Variants in NXPH2 observed in about 807,000 individuals in gnomAD.
NXPH2 encodes the protein neurexophilin 2.
In NXPH2, 5 loss-of-function variants were observed where a neutral mutation model predicts 19.8. That is an observed-to-expected ratio of 0.25 (90% confidence interval 0.13 to 0.53). The LOEUF (loss-of-function observed/expected upper bound fraction) is 0.53. Among genes scored for constraint, NXPH2 ranks in the 20% least tolerant of loss-of-function variants. The pLI is 0.96. For missense variants in NXPH2, 289 were observed against 322.8 expected, an observed-to-expected ratio of 0.90 and a Z score of 0.80; for synonymous variants, 154 against 127.4, an observed-to-expected ratio of 1.21 and a Z score of -1.41.
intron 1 of NXPH2, among the ~76,000 whole-genome samples, chr2:138,715,859 T>G (rs1408900277): frequency 2.0e-5 from 3 of 152,120 alleles, no homozygotes; most frequent in Non-Finnish European, 2.9e-5. Context: ...AGAGAACAGG[T>G]CTTGAATTTT....
chr2:138,750,526 C>G (rs936714139), intron 1 of NXPH2, among the ~76,000 whole-genome samples: 1 of 151,964 alleles, frequency 6.6e-6, no homozygotes, highest in Admixed American at 6.6e-5. Context: ...AAATGTGAAC[C>G]AGCAGATTGA....
At chr2:138,717,173 G>T (rs1681207521) in intron 1 of NXPH2, among the ~76,000 whole-genome samples, 1 of 152,092 alleles carries the variant, frequency 6.6e-6, no homozygotes, top group Non-Finnish European at 1.5e-5. Flanking sequence ...GGAAAAATAT[G>T]CAGGATATGT....
intron 1 of NXPH2, among the ~76,000 whole-genome samples, chr2:138,755,453 T>G (rs1160698332): frequency 7.2e-5 from 11 of 152,308 alleles, no homozygotes; most frequent in South Asian, 6.2e-4. Flanking sequence ...ATTGCCTTTG[T>G]TCCTTTGTCA....
chr2:138,671,756 A>C (rs1680420627), intron 1 of NXPH2, 91 bp from the exon 2 acceptor site: 1 of 1,294,952 alleles, frequency 7.7e-7, no homozygotes, highest in African/African-American at 1.5e-5. Context: ...AAATTATTTC[A>C]ACATTGTTTA....
chr2:138,739,385 T>C (rs186125419), intron 1 of NXPH2, among the ~76,000 whole-genome samples: 2 of 152,126 alleles, frequency 1.3e-5, no homozygotes, highest in African/African-American at 4.8e-5. Flanking sequence ...GAGGGAGAGA[T>C]AGTTACTAGT....
rs147088673 is a variant in NXPH2, at chr2:138,716,926, T to C, written c.52-45261A>G. On this transcript the variant is annotated intron_variant, in intron 1 of 1. Coordinates refer to ENST00000272641, the MANE Select transcript of NXPH2 (RefSeq NM_007226.3). ...CCAAAATTAATAACACACTTAACTTTTGAGCCTGCAATTCCTCTCTCAAGA... is the reference window on the plus strand; with the variant it reads ...CCAAAATTAATAACACACTTAACTTCTGAGCCTGCAATTCCTCTCTCAAGA... 3.3e-5 allele frequency among the ~76,000 whole-genome samples: 5 copies of C among 152,338 alleles called. No homozygotes were observed. In the East Asian group the frequency reaches 9.6e-4, roughly 29 times the overall value.
intron 1 of NXPH2, among the ~76,000 whole-genome samples, chr2:138,721,001 G>A (rs1282541500): frequency 2.0e-5 from 3 of 152,198 alleles, no homozygotes; most frequent in African/African-American, 4.8e-5. Context: ...TGAAACTGAA[G>A]GACGCATGCA....
chr2:138,765,691 T>C (rs966032661), intron 1 of NXPH2, among the ~76,000 whole-genome samples: 2 of 152,196 alleles, frequency 1.3e-5, no homozygotes, highest in Non-Finnish European at 2.9e-5. Flanking sequence ...CTGTTTTTTA[T>C]CTCAAAAACA....
intron 1 of NXPH2, among the ~76,000 whole-genome samples, chr2:138,757,759 G>A (rs1257262236): frequency 6.6e-6 from 1 of 151,122 alleles, no homozygotes; most frequent in African/African-American, 2.4e-5. Flanking sequence ...TCTTATATAT[G>A]TGTGTGTGTG....
At chr2:138,725,789 ATTTTCCCC>A (rs1681346762) in intron 1 of NXPH2, among the ~76,000 whole-genome samples, 1 of 152,108 alleles carries the variant, frequency 6.6e-6, no homozygotes, top group East Asian at 1.9e-4. Flanking sequence ...CCCTGTGCTT[ATTTTCCCC>A]TGCATAAAAA....
rs1267132795 is a variant in NXPH2, at chr2:138,706,925, A to G, written c.52-35260T>C. Reference sequence around the variant, plus strand: ...CTTTAAAATAAACTAAAATAAAGAAAAAAAAGTTAAGGTGAATGCTTAGAG... The same window carrying G: ...CTTTAAAATAAACTAAAATAAAGAAGAAAAAGTTAAGGTGAATGCTTAGAG... On this transcript the variant is annotated intron_variant, in intron 1 of 1. Transcript: ENST00000272641. Among the ~76,000 whole-genome samples the G allele has an allele frequency of 2.0e-5, 3 of 150,840 alleles. No individual in the cohort carries two copies. In the East Asian group the frequency reaches 5.8e-4, roughly 29 times the overall value.
chr2:138,737,304 G>T (rs1482002643), intron 1 of NXPH2, among the ~76,000 whole-genome samples: 1 of 152,162 alleles, frequency 6.6e-6, no homozygotes, highest in Non-Finnish European at 1.5e-5. Flanking sequence ...ATGGCAAAAG[G>T]CAAGGAGGAG....
chr2:138,712,033 G>A (rs1681114923), intron 1 of NXPH2, among the ~76,000 whole-genome samples: 1 of 152,174 alleles, frequency 6.6e-6, no homozygotes, highest in South Asian at 2.1e-4. Context: ...ATTCACCAAG[G>A]CCAGTATCTG....
chr2:138,751,211 C>T (rs1681823902), intron 1 of NXPH2, among the ~76,000 whole-genome samples: 1 of 152,074 alleles, frequency 6.6e-6, no homozygotes, highest in Admixed American at 6.6e-5. Flanking sequence ...TTGGCAAAAA[C>T]ATTTGTGCAT....
At chr2:138,777,066 C>T (rs750152854) in intron 1 of NXPH2, among the ~76,000 whole-genome samples, 12 of 151,868 alleles carry the variant, frequency 7.9e-5, no homozygotes, top group Non-Finnish European at 1.3e-4. Flanking sequence ...GTTAGCTAAT[C>T]ATTCATTTAA....
intron 1 of NXPH2, among the ~76,000 whole-genome samples, chr2:138,676,822 T>C (rs1680491174): frequency 1.3e-5 from 2 of 152,216 alleles, no homozygotes; most frequent in South Asian, 4.1e-4. Flanking sequence ...CAGTGCCATG[T>C]GATAAATTAA....
Position 138,672,288 on chromosome 2 carries a change from G to A in NXPH2, c.52-623C>T, listed in dbSNP as rs182176951. The stretch of plus-strand genomic sequence containing the variant: ...AAATTTAGTTGCCTTTATAAAAACA[G>A]AAAGTAATGTAGAGAGGTATATTTT... On this transcript the variant is annotated intron_variant, in intron 1 of 1. Transcript: ENST00000272641. Among the ~76,000 whole-genome samples the A allele has an allele frequency of 5.7e-4, 87 of 152,200 alleles. No homozygotes were observed. The East Asian group carries it at 0.011, about 19-fold the overall frequency.
Position 138,669,889 on chromosome 2 carries a change from C to T in NXPH2, c.*1033G>A, listed in dbSNP as rs1484307580. On this transcript the variant is annotated 3_prime_UTR_variant, in exon 2 of 2. Coordinates refer to ENST00000272641, the MANE Select transcript of NXPH2 (RefSeq NM_007226.3). ...ATGTTTAAATATAACTCTCTATTTCCACATAGAGTTTGATCTCTTATTCAA... is the reference window on the plus strand; with the variant it reads ...ATGTTTAAATATAACTCTCTATTTCTACATAGAGTTTGATCTCTTATTCAA... Among the ~76,000 whole-genome samples the T allele has an allele frequency of 6.6e-6, 1 of 152,134 alleles. No individual in the cohort carries two copies. Among genetic ancestry groups the T allele is most frequent in the East Asian group, 1.9e-4 (1 of 5,196 alleles).
intron 1 of NXPH2, among the ~76,000 whole-genome samples, chr2:138,761,102 A>T (rs1331863698): frequency 1.3e-5 from 2 of 152,164 alleles, no homozygotes; most frequent in Admixed American, 6.5e-5. Context: ...CCTGAAGCTC[A>T]GCAAGCCATA....
Sources: gnomAD v4.1 joint callset for allele counts (sites outside exome capture counted in the v4.1 genomes callset) on GRCh38, gnomAD v4.1.1 for gene constraint, MANE v1.5 for transcripts, NCBI Gene and HGNC (gene_info 2026-07-23, HGNC 2026-07-21) for gene names.